USP38: variants seen among roughly 807,000 people sequenced by gnomAD.
The protein encoded by USP38 is ubiquitin carboxyl-terminal hydrolase 38.
Under a neutral mutation model 94.3 loss-of-function variants are expected in USP38, and 49 were observed. That is an observed-to-expected ratio of 0.52 (90% CI 0.41 to 0.66). USP38 has a LOEUF of 0.66. Ranked by LOEUF, USP38 falls within the 30% of genes least tolerant of loss-of-function variation. The pLI, the probability that USP38 is intolerant of heterozygous loss-of-function variation, is 0.00. For missense variants in USP38, 1,128 were observed against 1,229.4 expected, an observed-to-expected ratio of 0.92 and a Z score of 1.23; for synonymous variants, 468 against 463.6, an observed-to-expected ratio of 1.01 and a Z score of -0.12.
rs1453783191 is a variant in USP38, at chr4:143,200,629, CAT to C, written c.1050+2707_1050+2708del. The stretch of plus-strand genomic sequence containing the variant: ...ATATGTTTCTGTATCTAGAAAACCC[CAT>C]AGTCTCAGCGCAAAAGCTCCTTCAG... On this transcript the variant is annotated intron_variant, in intron 4 of 9. Coordinates refer to ENST00000307017, the MANE Select transcript of USP38 (RefSeq NM_032557.6). Among the ~76,000 whole-genome samples, 3 of 152,226 alleles carry C rather than the reference CAT, an allele frequency of 2.0e-5. No individual in the cohort carries two copies. The East Asian group carries it at 5.8e-4, about 29-fold the overall frequency.
intron 6 of USP38, among the ~76,000 whole-genome samples, chr4:143,206,880 A>G (rs989412404): frequency 6.6e-6 from 1 of 152,084 alleles, no homozygotes; most frequent in African/African-American, 2.4e-5. Context: ...GCCGGTCAGT[A>G]TTTTGGTATT....
At chr4:143,187,285 A>G (rs1468696224) in intron 1 of USP38, among the ~76,000 whole-genome samples, 5 of 152,298 alleles carry the variant, frequency 3.3e-5, no homozygotes, top group African/African-American at 1.2e-4. Flanking sequence ...CCTTAGAGCA[A>G]TGTAATGATG....
chr4:143,220,721 C>G lies in USP38; in HGVS notation c.*265C>G, dbSNP rs1366904893. ...GTTCAGAAGAAAATATGTACCTGGT[C>G]CCTAATTAAGCTGCGTTAAATTTGG... On this transcript the variant is annotated 3_prime_UTR_variant, in exon 10 of 10. Coordinates refer to ENST00000307017, the MANE Select transcript of USP38 (RefSeq NM_032557.6). 3.8e-6 allele frequency: 1 copy of G among 262,464 alleles called. No homozygotes were observed. Among genetic ancestry groups the G allele is most frequent in the Non-Finnish European group, 7.0e-6 (1 of 141,906 alleles). The allele number at this position is 262,464 out of a possible 1,614,324, so 16.3% of individuals were successfully genotyped here.
At chr4:143,195,987 G>GA in intron 3 of USP38, 142 bp downstream of exon 3, 1 of 824,640 alleles carries the variant, frequency 1.2e-6, no homozygotes, top group Non-Finnish European at 1.7e-6. Context: ...ATAGGCTTTA[G>GA]AAATTTTTTT....
chr4:143,207,559 GAGA>G (rs1357057521), intron 6 of USP38, among the ~76,000 whole-genome samples: 1 of 151,984 alleles, frequency 6.6e-6, no homozygotes, highest in East Asian at 1.9e-4. Context: ...AAGAGAGAGA[GAGA>G]AGAATTTGCT....
chr4:143,188,112 T>C, intron 2 of USP38, 151 bp downstream of exon 2: 1 of 1,072,604 alleles, frequency 9.3e-7, no homozygotes, highest in South Asian at 1.8e-5. Flanking sequence ...TGGAATTGTT[T>C]ATAGCGTTGA....
chr4:143,220,162 CT>C (rs1732285896), intron 9 of USP38, 132 bp from the exon 10 acceptor site: 1 of 994,616 alleles, frequency 1.0e-6, no homozygotes, highest in Non-Finnish European at 1.3e-6. Context: ...TTCTTAGGTG[CT>C]TTAGTTTCAA....
At chr4:143,188,491 A>G (rs1206038890) in intron 2 of USP38, among the ~76,000 whole-genome samples, 4 of 152,046 alleles carry the variant, frequency 2.6e-5, no homozygotes, top group Non-Finnish European at 5.9e-5. Context: ...ACCTTTGGGC[A>G]TCTGTTGTTG....
Position 143,220,535 on chromosome 4 carries a change from C to T in USP38, c.*79C>T. The T allele has an allele frequency of 7.4e-7, 1 of 1,349,174 alleles. No homozygotes were observed. Among genetic ancestry groups the T allele is most frequent in the Non-Finnish European group, 9.7e-7 (1 of 1,027,764 alleles). The allele number at this position is 1,349,174 out of a possible 1,614,324, so 83.6% of individuals were successfully genotyped here. ...TAAAATGTCAGACTATAACAAATAT[C>T]TATCTTTTATTTTTCATTAGACCCT... On this transcript the variant is annotated 3_prime_UTR_variant, in exon 10 of 10. Transcript: ENST00000307017.
chr4:143,204,452 T>C (rs1731805185), intron 5 of USP38: 1 of 449,430 alleles, frequency 2.2e-6, no homozygotes, highest in Admixed American at 2.4e-5. Context: ...TGCAATGGCA[T>C]GATCACGGCT....
Position 143,185,672 on chromosome 4 carries a change from A to G in USP38, c.222A>G (p.Pro74=), listed in dbSNP as rs1731198899. 1.2e-6 allele frequency: 2 copies of G among 1,614,072 alleles called. No individual in the cohort carries two copies. Among genetic ancestry groups the G allele is most frequent in the Admixed American group, 1.7e-5 (1 of 60,002 alleles). The part of the protein sequence containing the change: ...VLEAYARYHR[P]EFESFFNKTF... ...AGGCCTACGCACGATACCACCGGCC[A>G]GAGTTCGAGTCCTTCTTCAACAAGA... Residue 74 remains proline (P), a synonymous_variant, in exon 1 of 10, where the codon CCA becomes CCG. Transcript: ENST00000307017.
chr4:143,185,214 C>A lies in USP38; in HGVS notation c.-237C>A. Reference sequence around the variant, plus strand: ...GCGGCGGAGTACGGGCCTCTGGCGCCTTAGGCCAGCCGCAGGTGTCGGTTC... The same window carrying A: ...GCGGCGGAGTACGGGCCTCTGGCGCATTAGGCCAGCCGCAGGTGTCGGTTC... On this transcript the variant is annotated 5_prime_UTR_variant, in exon 1 of 10. Transcript: ENST00000307017. The A allele has an allele frequency of 2.0e-6, 1 of 494,504 alleles. No individual in the cohort carries two copies. The allele number at this position is 494,504 out of a possible 1,614,324, so 30.6% of individuals were successfully genotyped here.
In USP38 at chr4:143,220,680, A is replaced by T; in HGVS notation, c.*224A>T. Reference sequence around the variant, plus strand: ...ATTCCATTTGCTTTTATGGTTAGACATGCTTGACCAAAAATGTTCAGAAGA... The same window carrying T: ...ATTCCATTTGCTTTTATGGTTAGACTTGCTTGACCAAAAATGTTCAGAAGA... On this transcript the variant is annotated 3_prime_UTR_variant, in exon 10 of 10. Coordinates refer to ENST00000307017, the MANE Select transcript of USP38 (RefSeq NM_032557.6). The T allele has an allele frequency of 2.7e-6, 1 of 377,044 alleles. No homozygotes were observed. Among genetic ancestry groups the T allele is most frequent in the Non-Finnish European group, 4.4e-6 (1 of 226,288 alleles). The allele number at this position is 377,044 out of a possible 1,614,324, so 23.4% of individuals were successfully genotyped here.
intron 9 of USP38, among the ~76,000 whole-genome samples, chr4:143,219,335 C>T (rs955307875): frequency 7.9e-5 from 12 of 151,792 alleles, no homozygotes; most frequent in African/African-American, 2.9e-4. Context: ...TTCTTCATAA[C>T]GAAAAATTGA....
Position 143,185,811 on chromosome 4 carries a change from C to T in USP38, c.361C>T (p.Leu121=), listed in dbSNP as rs1731203412. Residue 121 remains leucine (L), a synonymous_variant, in exon 1 of 10, where the codon CTG becomes TTG. Coordinates refer to ENST00000307017, the MANE Select transcript of USP38 (RefSeq NM_032557.6). ...LKLIMSCPSV[L]DLFSLLQVEV... ...GCTGATTATGAGCTGTCCGTCGGTG[C>T]TGGATCTCTTTAGCCTCCTGCAGGT... is the stretch of plus-strand genomic sequence containing the variant. 2 of 1,614,082 alleles carry T rather than the reference C, an allele frequency of 1.2e-6. No homozygotes were observed. The highest frequency in any genetic ancestry group is 2.7e-5 in the African/African-American group (2 of 74,920).
At position 143,220,639 on chromosome 4, in the gene USP38, A is replaced by T; in HGVS notation, c.*183A>T. 2 of 621,094 alleles carry T rather than the reference A, an allele frequency of 3.2e-6. No homozygotes were observed. Among genetic ancestry groups the T allele is most frequent in the Non-Finnish European group, 4.7e-6 (2 of 429,494 alleles). The allele number at this position is 621,094 out of a possible 1,614,324, so 38.5% of individuals were successfully genotyped here. The stretch of plus-strand genomic sequence containing the variant: ...TTAACAAAATGCATCATGGAAAAAA[A>T]AATCTACCTCTTAAAATTCCATTTG... On this transcript the variant is annotated 3_prime_UTR_variant, in exon 10 of 10. Coordinates refer to ENST00000307017, the MANE Select transcript of USP38 (RefSeq NM_032557.6).
chr4:143,203,863 T>G (rs1241069720), intron 5 of USP38, among the ~76,000 whole-genome samples: 1 of 152,194 alleles, frequency 6.6e-6, no homozygotes, highest in Non-Finnish European at 1.5e-5. Context: ...AGTTAATGCA[T>G]ACATCAGATT....
chr4:143,205,513 T>G (rs974228990), intron 5 of USP38, among the ~76,000 whole-genome samples: 1 of 152,258 alleles, frequency 6.6e-6, no homozygotes, highest in Admixed American at 6.5e-5. Context: ...AAGGTCATTG[T>G]GCATAGATGC....
chr4:143,188,102 T>C, intron 2 of USP38, 141 bp downstream of exon 2: 1 of 1,109,750 alleles, frequency 9.0e-7, no homozygotes, highest in African/African-American at 1.6e-5. Flanking sequence ...CCAAATAGAT[T>C]GGAATTGTTT....
Sources: allele counts gnomAD v4.1 joint callset (sites outside exome capture counted in the v4.1 genomes callset), GRCh38; gene constraint gnomAD v4.1.1; transcripts MANE v1.5; gene names NCBI Gene and HGNC (gene_info 2026-07-23, HGNC 2026-07-21).